The following CACNA2D1 variants were observed in gnomAD, a reference collection of about 807,000 sequenced individuals.
CACNA2D1 encodes the protein voltage-dependent calcium channel subunit alpha-2/delta-1.
CACNA2D1 carries 53 observed loss-of-function variants against 171.5 expected under a neutral mutation model. The observed-to-expected ratio is 0.31, with a 90% CI of 0.25 to 0.39. The LOEUF is 0.39. Among genes scored for constraint, CACNA2D1 ranks in the 10% least tolerant of loss-of-function variants. CACNA2D1 has a pLI of 1.00. For synonymous variants in CACNA2D1, 442 were observed against 443.1 expected (o/e 1.00, Z 0.03); for missense variants, 903 against 1,299.8 (o/e 0.69, Z 4.69).
intron 13 of CACNA2D1, 126 bp downstream of exon 13, chr7:82,014,275 A>G: frequency 1.5e-6 from 1 of 659,016 alleles, no homozygotes; most frequent in Non-Finnish European, 2.7e-6. Context: ...CATGTTCAGA[A>G]TCTTACTCTT....
intron 6 of CACNA2D1, among the ~76,000 whole-genome samples, chr7:82,098,912 A>C: frequency 6.6e-6 from 1 of 152,360 alleles, no homozygotes; most frequent in South Asian, 2.1e-4. Context: ...ATGACTTTTC[A>C]GTAAGATGTA....
intron 5 of CACNA2D1, 109 bp from the exon 6 acceptor site, chr7:82,117,282 A>G: frequency 1.8e-6 from 2 of 1,083,066 alleles, no homozygotes; most frequent in Non-Finnish European, 2.7e-6. Context: ...TAAATCTACA[A>G]CAATTGTTTA....
At chr7:82,392,224 G>C (rs1160601774) in intron 1 of CACNA2D1, among the ~76,000 whole-genome samples, 2 of 151,926 alleles carry the variant, frequency 1.3e-5, no homozygotes, top group Non-Finnish European at 2.9e-5. Context: ...CTTTGTTTTA[G>C]CCTCTTGCAT....
intron 3 of CACNA2D1, among the ~76,000 whole-genome samples, chr7:82,275,692 G>A (rs577004286): frequency 4.6e-5 from 7 of 152,040 alleles, no homozygotes; most frequent in Admixed American, 2.0e-4. Flanking sequence ...AAGGCAATAC[G>A]CACAGGAAGG....
At chr7:82,211,327 C>A (rs1800529273) in intron 3 of CACNA2D1, among the ~76,000 whole-genome samples, 1 of 152,060 alleles carries the variant, frequency 6.6e-6, no homozygotes, top group South Asian at 2.1e-4. Context: ...GCACACTACC[C>A]AATTGGTAGC....
intron 12 of CACNA2D1, among the ~76,000 whole-genome samples, chr7:82,032,432 TTAAA>T (rs1426868154): frequency 6.6e-6 from 1 of 151,694 alleles, no homozygotes; most frequent in African/African-American, 2.4e-5. Context: ...TCTTTAATAA[TTAAA>T]TAATATAATA....
intron 3 of CACNA2D1, among the ~76,000 whole-genome samples, chr7:82,334,340 G>C (rs553914105): frequency 3.3e-5 from 5 of 152,288 alleles, no homozygotes; most frequent in African/African-American, 1.2e-4. Context: ...TGACCCTACA[G>C]ATATTCTTAC....
In CACNA2D1 at chr7:81,950,129, A is replaced by AT; in HGVS notation, c.*262dup. 2.0e-6 allele frequency: 1 copy of AT among 493,318 alleles called. No homozygotes were observed. The highest frequency in any genetic ancestry group is 3.6e-6 in the Non-Finnish European group (1 of 280,956). The allele number at this position is 493,318 out of a possible 1,614,324, so 30.6% of individuals were successfully genotyped here. ...CAACAATGCAACAACAAACTCCCAAATTTTCCAATAGAGGACACGTATAGG... is the reference window on the plus strand; with the variant it reads ...CAACAATGCAACAACAAACTCCCAAATTTTTCCAATAGAGGACACGTATAGG... On this transcript the variant is annotated 3_prime_UTR_variant, in exon 39 of 39. Transcript: ENST00000356860.
chr7:82,327,202 T>C (rs986860645), intron 3 of CACNA2D1, among the ~76,000 whole-genome samples: 1 of 152,222 alleles, frequency 6.6e-6, no homozygotes, highest in Non-Finnish European at 1.5e-5. Flanking sequence ...GGGATATACA[T>C]TGTAATTGAG....
intron 3 of CACNA2D1, among the ~76,000 whole-genome samples, chr7:82,226,490 A>G (rs74686102): frequency 0.014 from 2,143 of 152,260 alleles, 57 homozygotes; most frequent in African/African-American, 0.049. Flanking sequence ...CTTTGTAGAC[A>G]GGTGTGCAGG....
Position 82,170,588 on chromosome 7 carries a change from T to G in CACNA2D1, c.316A>C (p.Lys106Gln), listed in dbSNP as rs1196117306. Reference sequence around the variant, plus strand: ...CTCCACTGGTGAGCTGCTTGAACTTTCTCCGCTTCCAATGCCAGGCGCTGA... The same window carrying G: ...CTCCACTGGTGAGCTGCTTGAACTTGCTCCGCTTCCAATGCCAGGCGCTGA... Reference protein sequence around the residue: ...ALVRLALEAEKVQAAHQWRED... With the variant: ...ALVRLALEAEQVQAAHQWRED... The change falls in exon 4 of 39, where the codon AAA (lysine) becomes CAA (glutamine). Residue 106 changes from lysine to glutamine, a missense_variant. By Grantham distance (53) the Lys-to-Gln change is moderately conservative (BLOSUM62 1). Coordinates refer to ENST00000356860, the MANE Select transcript of CACNA2D1 (RefSeq NM_000722.4). 2 of 1,612,718 alleles carry G rather than the reference T, an allele frequency of 1.2e-6. No individual in the cohort carries two copies. The highest frequency in any genetic ancestry group is 1.1e-5 in the South Asian group (1 of 91,066).
chr7:82,013,484 C>G lies in CACNA2D1; in HGVS notation c.1249G>C (p.Gly417Arg). The G allele has an allele frequency of 9.3e-7, 1 of 1,077,682 alleles. No homozygotes were observed. 66.8% of individuals were successfully genotyped at this position (1,077,682 alleles called of 1,614,324 possible). Reference protein sequence around the residue: ...KGYYYEIPSIGAIRINTQEYL... With the variant: ...KGYYYEIPSIRAIRINTQEYL... ...ACCTGAGTATTGATTCTTATTGCACCAATGGAAGGAATTTCATAATAATAA... is the reference window on the plus strand; with the variant it reads ...ACCTGAGTATTGATTCTTATTGCACGAATGGAAGGAATTTCATAATAATAA... The change falls in exon 14 of 39, where the codon GGT becomes CGT. Residue 417 changes from glycine (G) to arginine (R), a missense_variant. By Grantham distance (125) the Gly-to-Arg change is moderately radical (BLOSUM62 -2). Around this residue, in one of 5 missense-constraint regions of CACNA2D1, gnomAD observed 623 missense variants for 925.5 expected, o/e 0.67. Transcript: ENST00000356860.
chr7:82,364,092 C>G (rs1402749577), intron 1 of CACNA2D1, among the ~76,000 whole-genome samples: 2 of 151,968 alleles, frequency 1.3e-5, no homozygotes, highest in Non-Finnish European at 2.9e-5. Context: ...AATAGCTGGG[C>G]ATGGTGGCTT....
intron 18 of CACNA2D1, among the ~76,000 whole-genome samples, chr7:82,004,754 C>T (rs971840216): frequency 2.6e-5 from 4 of 152,028 alleles, no homozygotes; most frequent in African/African-American, 7.2e-5. Flanking sequence ...GCTATTAATG[C>T]CCTGTGAAAC....
Position 82,117,135 on chromosome 7 carries a change from T to C in CACNA2D1, c.435A>G (p.Ile145Met), listed in dbSNP as rs756765026. The C allele has an allele frequency of 4.4e-5, 71 of 1,613,916 alleles. No homozygotes were observed. Among genetic ancestry groups the C allele is most frequent in the Middle Eastern group, 1.7e-4 (1 of 6,060 alleles). ...KNDSEPGSQRIKPVFIEDANF... is the reference protein window; with the variant it reads ...KNDSEPGSQRMKPVFIEDANF... ...TAGCATCTTCAATGAAAACAGGTTT[T>C]ATCCTCTGGCTGCCTGGCTCACTGT... Residue 145 changes from isoleucine to methionine, a missense_variant, in exon 6 of 39, where the codon ATA (isoleucine) becomes ATG (methionine). Physicochemically the swap from Ile to Met is conservative, Grantham distance 10 (BLOSUM62 1). This residue lies in a region of CACNA2D1 where 189 missense variants were observed against 266.8 expected (regional missense o/e 0.71). Coordinates refer to ENST00000356860, the MANE Select transcript of CACNA2D1 (RefSeq NM_000722.4).
intron 1 of CACNA2D1, among the ~76,000 whole-genome samples, chr7:82,407,367 A>G (rs920200723): frequency 5.3e-5 from 8 of 152,250 alleles, no homozygotes; most frequent in Non-Finnish European, 8.8e-5. Context: ...AATGACTCAT[A>G]ATATTTCTTT....
rs10255076 is a variant in CACNA2D1 at position 81,954,943 on chromosome 7, T to C, written c.3159+4332A>G. On this transcript the variant is annotated intron_variant, in intron 38 of 38. Transcript: ENST00000356860. ...CACTCTTACACATTAACTCGTGAGA[T>C]AGGTAGGTAGTAGTATATTTATTCA... Among the ~76,000 whole-genome samples, 680 of 146,630 alleles carry C rather than the reference T, an allele frequency of 4.6e-3. 8 individuals carry two copies. Among genetic ancestry groups the C allele is most frequent in the African/African-American group, 0.016 (658 of 40,658 alleles).
intron 3 of CACNA2D1, among the ~76,000 whole-genome samples, chr7:82,258,214 G>C (rs1404412021): frequency 6.6e-6 from 1 of 151,832 alleles, no homozygotes; most frequent in African/African-American, 2.4e-5. Context: ...ATTCTAAACA[G>C]TATGTGCTCA....
At chr7:82,344,361 T>C (rs978124333) in intron 2 of CACNA2D1, among the ~76,000 whole-genome samples, 1 of 152,162 alleles carries the variant, frequency 6.6e-6, no homozygotes, top group Admixed American at 6.5e-5. Flanking sequence ...CTGAGAACCA[T>C]TGCACTAAAT....
Sources: gnomAD v4.1 joint callset for allele counts (sites outside exome capture counted in the v4.1 genomes callset) on GRCh38, gnomAD v4.1.1 for gene constraint, gnomAD v4.1.1 regional missense constraint, MANE v1.5 for transcripts, NCBI Gene and HGNC (gene_info 2026-07-23, HGNC 2026-07-21) for gene names.